The following SENP7 variants were observed in gnomAD, a reference collection of about 807,000 sequenced individuals.
The protein encoded by SENP7 is sentrin-specific protease 7.
SENP7 carries 64 observed loss-of-function variants against 141.2 expected under a neutral mutation model. The observed-to-expected ratio is 0.45, with a 90% CI of 0.37 to 0.56. The LOEUF (loss-of-function observed/expected upper bound fraction) is 0.56. Among genes scored for constraint, SENP7 ranks in the 20% least tolerant of loss-of-function variants. The pLI is 0.00. For synonymous variants in SENP7, 382 were observed against 426.4 expected, an observed-to-expected ratio of 0.90 and a Z score of 1.28; for missense variants, 1,025 against 1,212.2, an observed-to-expected ratio of 0.85 and a Z score of 2.29.
intron 14 of SENP7, 120 bp from the exon 15 acceptor site, chr3:101,341,899 CT>C: frequency 2.0e-6 from 2 of 1,009,498 alleles, no homozygotes; most frequent in Non-Finnish European, 2.7e-6. Context: ...TATATCTATA[CT>C]TTTAGATTTT....
intron 13 of SENP7, among the ~76,000 whole-genome samples, chr3:101,346,098 G>A (rs550456136): frequency 4.5e-4 from 69 of 152,230 alleles, no homozygotes; most frequent in Non-Finnish European, 7.5e-4. Flanking sequence ...CCATCAAAAA[G>A]TGGGCTAAGG....
chr3:101,439,554 T>G (rs1576354659), intron 4 of SENP7, among the ~76,000 whole-genome samples: 1 of 27,346 alleles, frequency 3.7e-5, no homozygotes, highest in African/African-American at 1.5e-4. Flanking sequence ...GGTGGGGGGG[T>G]CAGCCCCCCG....
chr3:101,457,839 C>A (rs2063408688), intron 4 of SENP7: 1 of 559,638 alleles, frequency 1.8e-6, no homozygotes, highest in Non-Finnish European at 3.2e-6. Flanking sequence ...AAGACGGCAG[C>A]TAAAGGGGAA....
chr3:101,398,553 A>G (rs2061039383), intron 6 of SENP7, among the ~76,000 whole-genome samples: 1 of 152,198 alleles, frequency 6.6e-6, no homozygotes, highest in African/African-American at 2.4e-5. Flanking sequence ...GCAATAGACT[A>G]ATGTCAGAGG....
chr3:101,464,751 C>T (rs558318104), intron 3 of SENP7, among the ~76,000 whole-genome samples: 4 of 152,208 alleles, frequency 2.6e-5, no homozygotes, highest in East Asian at 3.9e-4. Context: ...AACCATCCCA[C>T]CTGCCCCACT....
chr3:101,340,132 C>T lies in SENP7; in HGVS notation c.2320G>A (p.Glu774Lys). The change falls in exon 16 of 24, where the codon GAG (glutamate) becomes AAG (lysine). Residue 774 changes from glutamate (E) to lysine (K), a missense_variant. Coordinates refer to ENST00000394095, the MANE Select transcript of SENP7 (RefSeq NM_020654.5). Reference protein sequence around the residue: ...NEDLECLEEGEFLNDVIIDFY... With the variant: ...NEDLECLEEGKFLNDVIIDFY... ...TCAATGATTACATCATTAAGAAACT[C>T]TCCTTCTTCTAAACACTCCAGATCT... 2 of 1,598,344 alleles carry T rather than the reference C, an allele frequency of 1.3e-6. No individual in the cohort carries two copies. Among genetic ancestry groups the T allele is most frequent in the Non-Finnish European group, 1.7e-6 (2 of 1,174,554 alleles).
chr3:101,497,763 A>C (rs1447262815), intron 2 of SENP7, among the ~76,000 whole-genome samples: 1 of 152,204 alleles, frequency 6.6e-6, no homozygotes, highest in East Asian at 1.9e-4. Flanking sequence ...TAAATAAGTA[A>C]GTAAGTAAGT....
At position 101,494,994 on chromosome 3, in the gene SENP7, C is replaced by G. The variant is rs191476959; in HGVS notation, c.91-1026G>C. On this transcript the variant is annotated intron_variant, in intron 2 of 23. Transcript: ENST00000394095. Reference sequence around the variant, plus strand: ...TCTGCACAGCAAAAGAGTGAACAGACAACCTACAGATTGGGAGAAAAATTT... The same window carrying G: ...TCTGCACAGCAAAAGAGTGAACAGAGAACCTACAGATTGGGAGAAAAATTT... Among the ~76,000 whole-genome samples, 66 of 152,176 alleles carry G rather than the reference C, an allele frequency of 4.3e-4. 1 individual carries two copies. Among genetic ancestry groups the G allele is most frequent in the Admixed American group, 1.6e-3 (24 of 15,284 alleles).
intron 5 of SENP7, among the ~76,000 whole-genome samples, chr3:101,400,083 C>A (rs955497959): frequency 3.9e-5 from 6 of 152,202 alleles, no homozygotes; most frequent in Non-Finnish European, 8.8e-5. Flanking sequence ...GCTGGCCAGT[C>A]ATTATTATGA....
intron 7 of SENP7, among the ~76,000 whole-genome samples, chr3:101,369,170 A>G (rs966783381): frequency 2.0e-5 from 3 of 152,182 alleles, no homozygotes; most frequent in African/African-American, 4.8e-5. Flanking sequence ...AAAAGTTTCC[A>G]CCTAATTGAC....
intron 4 of SENP7, among the ~76,000 whole-genome samples, chr3:101,457,962 A>C (rs1559857409): frequency 6.6e-6 from 1 of 152,226 alleles, no homozygotes. Flanking sequence ...TTAATTAAAA[A>C]TTACCATTCC....
chr3:101,339,591 G>A (rs530657940), intron 16 of SENP7, among the ~76,000 whole-genome samples: 13 of 152,078 alleles, frequency 8.5e-5, no homozygotes, highest in South Asian at 2.1e-4. Context: ...GGTGGCGGGC[G>A]CCTGTAATCC....
Position 101,364,894 on chromosome 3 carries a change from A to G in SENP7, c.1416T>C (p.Asn472=). Residue 472 remains asparagine (N), a synonymous_variant, in exon 10 of 24, where the codon AAT becomes AAC. Transcript: ENST00000394095. ...SKQDRETTNE[N]ESTSESALLE... is the part of the protein sequence containing the mutation. Reference sequence around the variant, plus strand: ...ACAATGCTGATTCAGAAGTACTCTCATTTTCATTAGTTGTCTCACGGTCTT... The same window carrying G: ...ACAATGCTGATTCAGAAGTACTCTCGTTTTCATTAGTTGTCTCACGGTCTT... The G allele has an allele frequency of 6.2e-7, 1 of 1,604,552 alleles. No homozygotes were observed. Among genetic ancestry groups the G allele is most frequent in the Non-Finnish European group, 8.5e-7 (1 of 1,175,064 alleles).
chr3:101,354,381 G>A (rs1478201541), intron 11 of SENP7, among the ~76,000 whole-genome samples: 2 of 151,924 alleles, frequency 1.3e-5, no homozygotes, highest in Admixed American at 6.6e-5. Context: ...CCTAGTACTC[G>A]ATAGTTATTT....
chr3:101,330,261 T>C (rs1379706440), intron 20 of SENP7, 73 bp downstream of exon 20: 6 of 1,110,668 alleles, frequency 5.4e-6, no homozygotes, highest in Non-Finnish European at 8.1e-6. Flanking sequence ...CACCTAGCTA[T>C]GCTCTATTTT....
chr3:101,354,909 T>C (rs76540343), intron 11 of SENP7, among the ~76,000 whole-genome samples: 1,537 of 152,272 alleles, frequency 0.01, 27 homozygotes, highest in African/African-American at 0.035. Flanking sequence ...CTTTTAACAA[T>C]AGCCATTCTG....
chr3:101,510,373 T>G (rs1388578163), intron 1 of SENP7, among the ~76,000 whole-genome samples: 1 of 152,240 alleles, frequency 6.6e-6, no homozygotes, highest in East Asian at 1.9e-4. Context: ...CGGTACACTG[T>G]GAACATTTTA....
At chr3:101,481,302 G>C (rs779326615) in intron 3 of SENP7, among the ~76,000 whole-genome samples, 1 of 152,094 alleles carries the variant, frequency 6.6e-6, no homozygotes, top group Non-Finnish European at 1.5e-5. Context: ...ACATAATTTG[G>C]CCATAAAAAA....
At chr3:101,430,520 G>A (rs1331718761) in intron 4 of SENP7, among the ~76,000 whole-genome samples, 4 of 152,118 alleles carry the variant, frequency 2.6e-5, no homozygotes, top group Non-Finnish European at 5.9e-5. Context: ...ATTTCTGTGG[G>A]ATCGGTGGTG....
Sources: gnomAD v4.1 joint callset for allele counts (sites outside exome capture counted in the v4.1 genomes callset) on GRCh38, gnomAD v4.1.1 for gene constraint, MANE v1.5 for transcripts, NCBI Gene and HGNC (gene_info 2026-07-23, HGNC 2026-07-21) for gene names.